EXOC6B: variants seen among roughly 807,000 people sequenced by gnomAD.
EXOC6B encodes the protein SEC15 homolog B.
A neutral mutation model predicts 113.5 loss-of-function variants in EXOC6B; 54 were observed. The ratio of observed to expected loss-of-function variants is 0.48; its 90% CI spans 0.38 to 0.60. The LOEUF (loss-of-function observed/expected upper bound fraction) is 0.60, where lower values mean the gene tolerates loss of function less well. Ranked by LOEUF, EXOC6B falls within the 20% of genes least tolerant of loss-of-function variation. The pLI, the probability that EXOC6B is intolerant of heterozygous loss-of-function variation, is 0.00. For missense variants in EXOC6B, 797 were observed against 977.5 expected (o/e 0.82, Z 2.46); for synonymous variants, 357 against 339.0 (o/e 1.05, Z -0.58).
chr2:72,178,260 C>A lies in EXOC6B; in HGVS notation c.*1075G>T, dbSNP rs1558985777. The stretch of plus-strand genomic sequence containing the variant: ...CATCCCTAGAGGCATCCAGTCCAGG[C>A]ATGGCTGCCCCCACAGTGCAGAGCT... On this transcript the variant is annotated 3_prime_UTR_variant, in exon 22 of 22. Coordinates refer to ENST00000272427, the MANE Select transcript of EXOC6B (RefSeq NM_015189.3). 6.6e-6 allele frequency: 1 copy of A among 152,262 alleles called. No individual in the cohort carries two copies. Among genetic ancestry groups the A allele is most frequent in the African/African-American group, 2.4e-5 (1 of 41,462 alleles). 9.4% of individuals were successfully genotyped at this position (152,262 alleles called of 1,614,324 possible).
At chr2:72,405,651 C>T (rs1203139162) in intron 18 of EXOC6B, among the ~76,000 whole-genome samples, 1 of 152,076 alleles carries the variant, frequency 6.6e-6, no homozygotes, top group Non-Finnish European at 1.5e-5. Flanking sequence ...CAAGCAAATG[C>T]TGAAAGATTT....
At chr2:72,736,206 AC>A (rs1159464958) in intron 2 of EXOC6B, among the ~76,000 whole-genome samples, 7,945 of 151,082 alleles carry the variant, frequency 0.053, 680 homozygotes, top group African/African-American at 0.18. Context: ...AAAAAAAAAA[AC>A]AAAACAATAA....
At chr2:72,626,259 T>A (rs2104231200) in intron 6 of EXOC6B, among the ~76,000 whole-genome samples, 1 of 152,338 alleles carries the variant, frequency 6.6e-6, no homozygotes, top group African/African-American at 2.4e-5. Flanking sequence ...TAGCTGTATT[T>A]AATCAAGAAG....
rs534119318 is a variant in EXOC6B at position 72,264,431 on chromosome 2, C to T, written c.2196+70516G>A. On this transcript the variant is annotated intron_variant, in intron 20 of 21. Coordinates refer to ENST00000272427, the MANE Select transcript of EXOC6B (RefSeq NM_015189.3). ...ACAAAAATACAAAAAATTAGCCAGG[C>T]GTGATGGCAGGTGCCTATAATCCCA... 1.8e-4 allele frequency among the ~76,000 whole-genome samples: 28 copies of T among 152,104 alleles called. No individual in the cohort carries two copies. The South Asian group carries it at 5.6e-3, about 30-fold the overall frequency.
intron 20 of EXOC6B, among the ~76,000 whole-genome samples, chr2:72,189,420 T>C (rs1381998611): frequency 6.6e-6 from 1 of 152,214 alleles, no homozygotes; most frequent in African/African-American, 2.4e-5. Context: ...TGCTCATTTT[T>C]CCCTCATTGG....
chr2:72,476,987 C>T (rs191053684), intron 17 of EXOC6B, among the ~76,000 whole-genome samples: 85 of 152,272 alleles, frequency 5.6e-4, no homozygotes, highest in African/African-American at 2.0e-3. Context: ...TCTTCTTTGG[C>T]GGTCCTAAAG....
Position 72,465,298 on chromosome 2 carries a change from T to C in EXOC6B, c.1842A>G (p.Leu614=). 6.2e-7 allele frequency: 1 copy of C among 1,605,956 alleles called. No individual in the cohort carries two copies. ...GTAGGAACTGGTCAATCTTCTGGTT[T>C]AAGTTGGTATAAATCTCTTCTTCAG... is the stretch of plus-strand genomic sequence containing the variant. ...HAAEEEIYTN[L]NQKIDQFLQL... The change falls in exon 18 of 22, where the codon TTA becomes TTG. Residue 614 remains leucine, a synonymous_variant. Transcript: ENST00000272427.
At chr2:72,331,619 A>G (rs1456362163) in intron 20 of EXOC6B, among the ~76,000 whole-genome samples, 1 of 152,098 alleles carries the variant, frequency 6.6e-6, no homozygotes, top group African/African-American at 2.4e-5. Flanking sequence ...TCATACTGCA[A>G]TCCTACTTAT....
At chr2:72,694,031 G>A (rs1677690148) in intron 6 of EXOC6B, among the ~76,000 whole-genome samples, 1 of 152,138 alleles carries the variant, frequency 6.6e-6, no homozygotes, top group Admixed American at 6.5e-5. Context: ...TTGAGGAAGT[G>A]TTGATCTATG....
At chr2:72,689,700 C>G (rs1477115104) in intron 6 of EXOC6B, among the ~76,000 whole-genome samples, 1 of 152,138 alleles carries the variant, frequency 6.6e-6, no homozygotes, top group Admixed American at 6.5e-5. Context: ...TCTACTATCT[C>G]TCCTTGCAAT....
At chr2:72,465,458 G>A (rs1051405270) in intron 17 of EXOC6B, 119 bp from the exon 18 acceptor site, 22 of 722,600 alleles carry the variant, frequency 3.0e-5, no homozygotes, top group Non-Finnish European at 4.7e-5. Context: ...TGGGAATACT[G>A]AGCCATACAT....
rs566006402 is a variant in EXOC6B, at chr2:72,413,577, G to A, written c.1981-33707C>T. Among the ~76,000 whole-genome samples, 15 of 151,606 alleles carry A rather than the reference G, an allele frequency of 9.9e-5. No individual in the cohort carries two copies. In the South Asian group the frequency reaches 2.3e-3, roughly 23 times the overall value. ...ACGCACCTGTAATCCCAGCTACTCC[G>A]GAGGCTGAGGCAGGAGAATCACTTG... On this transcript the variant is annotated intron_variant, in intron 18 of 21. Coordinates refer to ENST00000272427, the MANE Select transcript of EXOC6B (RefSeq NM_015189.3).
intron 18 of EXOC6B, among the ~76,000 whole-genome samples, chr2:72,459,719 T>C (rs1024165607): frequency 2.8e-4 from 43 of 152,242 alleles, no homozygotes; most frequent in African/African-American, 9.9e-4. Context: ...TACAAACAAA[T>C]GGAAGAACAT....
At chr2:72,492,705 C>A (rs1699814694) in intron 15 of EXOC6B, among the ~76,000 whole-genome samples, 1 of 151,330 alleles carries the variant, frequency 6.6e-6, no homozygotes, top group African/African-American at 2.4e-5. Context: ...AAGGATGTCA[C>A]TCCATTTTCT....
At chr2:72,183,863 C>T (rs1678248353) in intron 21 of EXOC6B, among the ~76,000 whole-genome samples, 1 of 152,058 alleles carries the variant, frequency 6.6e-6, no homozygotes, top group African/African-American at 2.4e-5. Context: ...CTTGGCCTGG[C>T]TTGTTGGGGG....
At chr2:72,445,782 G>T (rs957840987) in intron 18 of EXOC6B, among the ~76,000 whole-genome samples, 1 of 152,154 alleles carries the variant, frequency 6.6e-6, no homozygotes, top group Non-Finnish European at 1.5e-5. Context: ...GATGAGATTT[G>T]GGTGGGGACA....
rs1419180417 is a variant in EXOC6B, at chr2:72,628,895, A to C, written c.670-53227T>G. ...TACATATATATACTTAAGGCACTCA[A>C]AAATCTAATCCCTTTACTTTCTGCC... On this transcript the variant is annotated intron_variant, in intron 6 of 21. Transcript: ENST00000272427. Among the ~76,000 whole-genome samples, 8 of 152,326 alleles carry C rather than the reference A, an allele frequency of 5.3e-5. No homozygotes were observed. In the East Asian group the frequency reaches 1.5e-3, roughly 29 times the overall value.
At chr2:72,562,518 C>T (rs1037587419) in intron 7 of EXOC6B, among the ~76,000 whole-genome samples, 1 of 152,164 alleles carries the variant, frequency 6.6e-6, no homozygotes, top group Admixed American at 6.6e-5. Flanking sequence ...TCCAAGGACA[C>T]TTTCCTAAGC....
intron 19 of EXOC6B, among the ~76,000 whole-genome samples, chr2:72,341,640 G>A (rs1464386968): frequency 6.6e-6 from 1 of 152,032 alleles, no homozygotes; most frequent in African/African-American, 2.4e-5. Flanking sequence ...ACAGCAATAC[G>A]ATGACAGGGG....
Sources: allele counts gnomAD v4.1 joint callset (sites outside exome capture counted in the v4.1 genomes callset), GRCh38; gene constraint gnomAD v4.1.1; transcripts MANE v1.5; gene names NCBI Gene and HGNC (gene_info 2026-07-23, HGNC 2026-07-21).